The following RAB7A variants were observed in gnomAD, a reference collection of about 807,000 sequenced individuals.
The protein encoded by RAB7A is ras-related protein Rab-7a.
A neutral mutation model predicts 24.5 loss-of-function variants in RAB7A; 2 were observed. The ratio of observed to expected loss-of-function variants is 0.08; its 90% CI spans 0.03 to 0.26. The LOEUF (loss-of-function observed/expected upper bound fraction) is 0.26, where lower values mean the gene tolerates loss of function less well. Ranked by LOEUF, RAB7A falls within the 10% of genes least tolerant of loss-of-function variation. RAB7A has a pLI of 1.00. For synonymous variants in RAB7A, 100 were observed against 95.9 expected, an observed-to-expected ratio of 1.04 and a Z score of -0.25; for missense variants, 118 against 255.7, an observed-to-expected ratio of 0.46 and a Z score of 3.67.
chr3:128,771,588 A>G (rs972457241), intron 1 of RAB7A, among the ~76,000 whole-genome samples: 2 of 152,258 alleles, frequency 1.3e-5, no homozygotes, highest in South Asian at 4.1e-4. Flanking sequence ...CAGGAGCACA[A>G]GAAAATTAAA....
At chr3:128,785,595 C>T (rs1446968817) in intron 1 of RAB7A, 1 of 152,000 alleles carries the variant, frequency 6.6e-6, no homozygotes, top group African/African-American at 2.4e-5. Context: ...CCCATCTCTA[C>T]TAAAAATACA....
chr3:128,795,499 T>A, intron 2 of RAB7A, 79 bp downstream of exon 2: 1 of 1,317,606 alleles, frequency 7.6e-7, no homozygotes, highest in Non-Finnish European at 1.1e-6. Flanking sequence ...CTGTCCGTGC[T>A]GCCACTTCTT....
At chr3:128,796,086 CCTG>C (rs1391982074) in intron 2 of RAB7A, among the ~76,000 whole-genome samples, 2 of 152,098 alleles carry the variant, frequency 1.3e-5, no homozygotes, top group Non-Finnish European at 2.9e-5. Flanking sequence ...ACAGTATCCT[CCTG>C]CTGCTGTGCC....
intron 1 of RAB7A, among the ~76,000 whole-genome samples, chr3:128,784,591 G>A (rs1422699001): frequency 2.0e-5 from 3 of 152,090 alleles, no homozygotes; most frequent in South Asian, 2.1e-4. Flanking sequence ...ACCTTAGTAC[G>A]GCCCACTGTG....
At chr3:128,731,144 G>T (rs2070432079) in intron 1 of RAB7A, among the ~76,000 whole-genome samples, 1 of 152,162 alleles carries the variant, frequency 6.6e-6, no homozygotes, top group Non-Finnish European at 1.5e-5. Flanking sequence ...GAAGTAAATA[G>T]TTACATCATT....
rs573876922 is a variant in RAB7A, at chr3:128,765,677, A to G, written c.-8-29683A>G. On this transcript the variant is annotated intron_variant, in intron 1 of 5. Coordinates refer to ENST00000265062, the MANE Select transcript of RAB7A (RefSeq NM_004637.6). ...AGGGGCGAGGTGGCTCGCTGCAGCC[A>G]CTTTCCTAAGGGCCCTAGTCCCATT... 6.6e-5 allele frequency among the ~76,000 whole-genome samples: 10 copies of G among 151,438 alleles called. No individual in the cohort carries two copies. The East Asian group carries it at 1.9e-3, about 29-fold the overall frequency.
chr3:128,767,766 G>A (rs993518588), intron 1 of RAB7A, among the ~76,000 whole-genome samples: 3 of 152,184 alleles, frequency 2.0e-5, no homozygotes, highest in African/African-American at 4.8e-5. Context: ...TTCAGCAATC[G>A]TGAATGCAGT....
At chr3:128,811,540 G>T (rs1252675292) in intron 5 of RAB7A, among the ~76,000 whole-genome samples, 2 of 152,206 alleles carry the variant, frequency 1.3e-5, no homozygotes, top group Non-Finnish European at 2.9e-5. Context: ...ACCATATGTT[G>T]TACGATTCCA....
intron 1 of RAB7A, among the ~76,000 whole-genome samples, chr3:128,760,031 A>G (rs2070765382): frequency 6.6e-6 from 1 of 152,134 alleles, no homozygotes; most frequent in Non-Finnish European, 1.5e-5. Flanking sequence ...TTATGAGTCA[A>G]TTTGACTGGT....
rs1219261195 is a variant in RAB7A, at chr3:128,814,662, T to C, written c.*1240T>C. The C allele has an allele frequency of 6.5e-6, 1 of 152,700 alleles. No homozygotes were observed. Among genetic ancestry groups the C allele is most frequent in the African/African-American group, 2.4e-5 (1 of 41,482 alleles). 9.5% of individuals were successfully genotyped at this position (152,700 alleles called of 1,614,324 possible). ...AACCCTGGCAGTTCTGCTCCCTTCC[T>C]AGGATCTGCCCCTGCATTGTAGCTT... On this transcript the variant is annotated 3_prime_UTR_variant, in exon 6 of 6. Transcript: ENST00000265062.
intron 5 of RAB7A, among the ~76,000 whole-genome samples, chr3:128,813,036 A>C (rs1389621286): frequency 1.3e-5 from 2 of 152,254 alleles, no homozygotes; most frequent in African/African-American, 4.8e-5. Context: ...GAGAATGTCC[A>C]TGAACTTCTG....
intron 1 of RAB7A, among the ~76,000 whole-genome samples, chr3:128,792,739 C>T (rs1350435525): frequency 6.6e-6 from 1 of 152,114 alleles, no homozygotes; most frequent in Non-Finnish European, 1.5e-5. Context: ...TCACTGCAAC[C>T]TCTGCCTCCT....
chr3:128,780,326 A>C (rs1359092136), intron 1 of RAB7A, among the ~76,000 whole-genome samples: 1 of 152,192 alleles, frequency 6.6e-6, no homozygotes, highest in Non-Finnish European at 1.5e-5. Flanking sequence ...CTATATTTCT[A>C]TCCAGAACCA....
At chr3:128,796,264 G>C (rs1032681181) in intron 2 of RAB7A, among the ~76,000 whole-genome samples, 1 of 152,064 alleles carries the variant, frequency 6.6e-6, no homozygotes, top group Admixed American at 6.5e-5. Context: ...CTGAGGGGAG[G>C]ATTGCTTGAG....
At chr3:128,804,115 C>G (rs1039048489) in intron 3 of RAB7A, among the ~76,000 whole-genome samples, 5 of 128,188 alleles carry the variant, frequency 3.9e-5, no homozygotes, top group South Asian at 2.2e-4. Context: ...CCTCCCTGGG[C>G]CCCCCCCCGC....
intron 1 of RAB7A, among the ~76,000 whole-genome samples, chr3:128,776,637 A>G (rs1204948606): frequency 6.6e-6 from 1 of 152,162 alleles, no homozygotes; most frequent in Non-Finnish European, 1.5e-5. Flanking sequence ...AGTTGATTCC[A>G]TATTTCAGTT....
intron 1 of RAB7A, among the ~76,000 whole-genome samples, chr3:128,770,005 C>CTTTTTTT (rs766245243): frequency 7.1e-6 from 1 of 140,784 alleles, no homozygotes; most frequent in Non-Finnish European, 1.6e-5. Context: ...TTCCTTTTTT[C>CTTTTTTT]TTTTTTTTTT....
intron 1 of RAB7A, among the ~76,000 whole-genome samples, chr3:128,767,246 C>T (rs936630666): frequency 2.0e-5 from 3 of 152,184 alleles, no homozygotes; most frequent in Non-Finnish European, 4.4e-5. Flanking sequence ...AGGGATGCCC[C>T]TTCCAGGATC....
intron 2 of RAB7A, among the ~76,000 whole-genome samples, chr3:128,797,299 A>G (rs3772158): frequency 6.6e-6 from 1 of 152,080 alleles, no homozygotes; most frequent in Non-Finnish European, 1.5e-5. Context: ...ATGGGGGGGA[A>G]GGTTTTTGTA....
Sources: gnomAD v4.1 joint callset for allele counts (sites outside exome capture counted in the v4.1 genomes callset) on GRCh38, gnomAD v4.1.1 for gene constraint, MANE v1.5 for transcripts, NCBI Gene and HGNC (gene_info 2026-07-23, HGNC 2026-07-21) for gene names.